Variants in EBLN1 observed in about 807,000 individuals in gnomAD.
EBLN1 encodes the protein endogenous Bornavirus-like nucleoprotein 1.
In EBLN1, 1 loss-of-function variant was observed where a neutral mutation model predicts 0.8. The observed-to-expected ratio is 1.32, with a 90% CI of 0.47 to 6.26. EBLN1 has a LOEUF of 6.26. Among genes scored for constraint, EBLN1 ranks in the 30% most tolerant of loss-of-function variants. The pLI, the probability that EBLN1 is intolerant of heterozygous loss-of-function variation, is 0.15. For synonymous variants in EBLN1, 158 were observed against 158.5 expected, an observed-to-expected ratio of 1.00 and a Z score of 0.02; for missense variants, 396 against 447.9, an observed-to-expected ratio of 0.88 and a Z score of 1.05.
rs115097048 is a variant in EBLN1, at chr10:22,209,191, C to A, written c.793G>T (p.Glu265Ter). Residue 265 changes from glutamate to a stop codon, truncating the protein, a stop_gained, in exon 3 of 3, where the codon GAG becomes TAG. Transcript: ENST00000422359. LOFTEE classifies it low-confidence loss of function (END_TRUNC). ...TTTTTAGCCAGTGGTTTCTTCTGCT[C>A]AAAAACTGGAATCTCCAACACAACA... is the stretch of plus-strand genomic sequence containing the variant. The part of the protein sequence containing the change: ...PAVVLEIPVF[E>*]QKKPLAKKVL... 1.8e-3 allele frequency: 2,830 copies of A among 1,536,950 alleles called. 36 individuals are homozygous for A. The African/African-American group carries it at 0.035, about 19-fold the overall frequency.
chr10:22,213,968 G>A (rs967792641), intron 1 of EBLN1, among the ~76,000 whole-genome samples: 5 of 152,172 alleles, frequency 3.3e-5, no homozygotes, highest in Admixed American at 1.3e-4. Context: ...TTTAAACAAT[G>A]TGGTCCTGGT....
chr10:22,214,852 G>A (rs1267363609), intron 1 of EBLN1, among the ~76,000 whole-genome samples: 2 of 152,054 alleles, frequency 1.3e-5, no homozygotes, highest in Non-Finnish European at 2.9e-5. Flanking sequence ...GTTCATAGAA[G>A]CATTATTTAT....
intron 1 of EBLN1, among the ~76,000 whole-genome samples, 34 bp from the exon 2 acceptor site, chr10:22,212,999 A>C (rs1588585533): frequency 6.6e-6 from 1 of 151,808 alleles, no homozygotes; most frequent in Admixed American, 6.6e-5. Flanking sequence ...TGTATTAAAA[A>C]CCCAGTCTAT....
In EBLN1 at chr10:22,212,838, G is replaced by A. The variant is rs1273195266; in HGVS notation, c.-45+4C>T. ...TTAAATTAGCTGGGCATGGTGGCAC[G>A]TACCTGCAGTCCTAGCTACTTTGGA... On this transcript the variant is annotated splice_donor_region_variant and intron_variant, in intron 2 of 2. Transcript: ENST00000422359. Among the ~76,000 whole-genome samples, 3 of 149,988 alleles carry A rather than the reference G, an allele frequency of 2.0e-5. No homozygotes were observed. Among genetic ancestry groups the A allele is most frequent in the African/African-American group, 4.9e-5 (2 of 40,642 alleles).
chr10:22,217,920 C>T lies in EBLN1; in HGVS notation c.-173G>A. Among the ~76,000 whole-genome samples, 1 of 152,168 alleles carries T rather than the reference C, an allele frequency of 6.6e-6. No homozygotes were observed. The highest frequency in any genetic ancestry group is 1.5e-5 in the Non-Finnish European group (1 of 68,040). Reference sequence around the variant, plus strand: ...AAGGAGGTTTAATTGACTCACAGTTCTGCATGGCTGGGAAGGCCTCAGGAA... The same window carrying T: ...AAGGAGGTTTAATTGACTCACAGTTTTGCATGGCTGGGAAGGCCTCAGGAA... On this transcript the variant is annotated 5_prime_UTR_variant, in exon 1 of 3. Transcript: ENST00000422359.
rs11379497 is a variant in EBLN1, at chr10:22,212,798, G to GTTT, written c.-45+43_-45+44insAAA. Among the ~76,000 whole-genome samples, 7 of 128,670 alleles carry GTTT rather than the reference G, an allele frequency of 5.4e-5. No individual in the cohort carries two copies. The South Asian group carries it at 1.3e-3, about 24-fold the overall frequency. The allele number at this position is 128,670 out of a possible 152,430, so 84.4% of individuals were successfully genotyped here. ...GACACCATCTCTTAAAAAAAAAAAA[G>GTTT]TTGTGTTTTTTTTTTTAAATTAGCT... On this transcript the variant is annotated intron_variant, in intron 2 of 2. Coordinates refer to ENST00000422359, the MANE Select transcript of EBLN1 (RefSeq NM_001394757.1).
At chr10:22,214,530 G>A (rs1281761993) in intron 1 of EBLN1, among the ~76,000 whole-genome samples, 1 of 151,852 alleles carries the variant, frequency 6.6e-6, no homozygotes, top group African/African-American at 2.4e-5. Flanking sequence ...TGACAGAACT[G>A]ACAATGTAGA....
rs2131942199 is a variant in EBLN1 at position 22,208,591 on chromosome 10, T to C, written c.*292A>G. 6.6e-6 allele frequency among the ~76,000 whole-genome samples: 1 copy of C among 152,224 alleles called. No individual in the cohort carries two copies. The highest frequency in any genetic ancestry group is 1.9e-4 in the East Asian group (1 of 5,184). The stretch of plus-strand genomic sequence containing the variant: ...TGGGCCTTATCTATGAAGAATAAAA[T>C]AAAAACTCCCCACGTGACTACAGAA... On this transcript the variant is annotated 3_prime_UTR_variant, in exon 3 of 3. Coordinates refer to ENST00000422359, the MANE Select transcript of EBLN1 (RefSeq NM_001394757.1).
At chr10:22,213,775 A>G (rs1834771620) in intron 1 of EBLN1, among the ~76,000 whole-genome samples, 2 of 152,240 alleles carry the variant, frequency 1.3e-5, no homozygotes, top group African/African-American at 2.4e-5. Context: ...TGCAAGCACA[A>G]TGAATATTCC....
intron 2 of EBLN1, among the ~76,000 whole-genome samples, chr10:22,210,278 G>A (rs1373275521): frequency 6.6e-6 from 1 of 152,072 alleles, no homozygotes; most frequent in African/African-American, 2.4e-5. Flanking sequence ...CCTATAGAGA[G>A]AAGAGTCAAC....
At position 22,209,269 on chromosome 10, in the gene EBLN1, T is replaced by G; in HGVS notation, c.715A>C (p.Thr239Pro). The G allele has an allele frequency of 6.3e-7, 1 of 1,583,288 alleles. No homozygotes were observed. Among genetic ancestry groups the G allele is most frequent in the Non-Finnish European group, 8.5e-7 (1 of 1,172,060 alleles). Residue 239 changes from threonine (T) to proline (P), a missense_variant, in exon 3 of 3, where the codon ACT becomes CCT. By Grantham distance (38) the Thr-to-Pro change is conservative (BLOSUM62 -1). Coordinates refer to ENST00000422359, the MANE Select transcript of EBLN1 (RefSeq NM_001394757.1). ...CACTGATCCAGGAACATTCTCACAG[T>G]GTAGTAGGTCATCATCTGTGCTTTG... ...ASKAQMMTYYTVRMFLDQCVD... is the reference protein window; with the variant it reads ...ASKAQMMTYYPVRMFLDQCVD...
chr10:22,209,123 G>A lies in EBLN1; in HGVS notation c.861C>T (p.His287=). 1.3e-6 allele frequency: 2 copies of A among 1,536,172 alleles called. No homozygotes were observed. Among genetic ancestry groups the A allele is most frequent in the South Asian group, 1.2e-5 (1 of 84,054 alleles). Residue 287 remains histidine (H), a synonymous_variant, in exon 3 of 3, where the codon CAC becomes CAT. Transcript: ENST00000422359. Reference sequence around the variant, plus strand: ...GTGGTGATAGCACCCCAATAACAGGGTGGCGAAGTACACCCCCAAATTCAA... The same window carrying A: ...GTGGTGATAGCACCCCAATAACAGGATGGCGAAGTACACCCCCAAATTCAA... ...DFFEFGGVLR[H]PVIGVLSPQM... is the part of the protein sequence containing the mutation.
chr10:22,211,042 C>T (rs1389557983), intron 2 of EBLN1, among the ~76,000 whole-genome samples: 3 of 152,206 alleles, frequency 2.0e-5, no homozygotes, highest in Non-Finnish European at 4.4e-5. Flanking sequence ...GTGATAAAAG[C>T]TTAAAGCTGA....
intron 2 of EBLN1, among the ~76,000 whole-genome samples, chr10:22,211,099 T>G (rs1834749243): frequency 6.6e-6 from 1 of 152,178 alleles, no homozygotes; most frequent in African/African-American, 2.4e-5. Context: ...AGTTCTCCAA[T>G]GGAAGGGATA....
chr10:22,215,139 G>T (rs1457884932), intron 1 of EBLN1, among the ~76,000 whole-genome samples: 12 of 152,154 alleles, frequency 7.9e-5, no homozygotes, highest in Non-Finnish European at 1.8e-4. Flanking sequence ...CTGTAAAGGG[G>T]TTTGGGGGTA....
At chr10:22,213,323 A>G (rs140983469) in intron 1 of EBLN1, among the ~76,000 whole-genome samples, 29 of 152,312 alleles carry the variant, frequency 1.9e-4, no homozygotes, top group African/African-American at 6.5e-4. Context: ...TAGAAAACAG[A>G]TTTTTTCGAA....
chr10:22,212,015 A>C (rs16922097), intron 2 of EBLN1, among the ~76,000 whole-genome samples: 9,795 of 152,282 alleles, frequency 0.064, 738 homozygotes, highest in African/African-American at 0.18. Flanking sequence ...CTTTATTGTG[A>C]ATAGGTATCT....
rs79645687 is a variant in EBLN1 at position 22,211,164 on chromosome 10, G to A, written c.-44-1137C>T. Reference sequence around the variant, plus strand: ...TTTCTCGTCTCTTAATGCAATGAAAGGTTATTATGTTTTGTCATGTTCTTA... The same window carrying A: ...TTTCTCGTCTCTTAATGCAATGAAAAGTTATTATGTTTTGTCATGTTCTTA... On this transcript the variant is annotated intron_variant, in intron 2 of 2. Transcript: ENST00000422359. 7.9e-3 allele frequency among the ~76,000 whole-genome samples: 1,199 copies of A among 152,250 alleles called. 7 individuals are homozygous for A. The highest frequency in any genetic ancestry group is 0.027 in the African/African-American group (1,128 of 41,548).
Position 22,209,843 on chromosome 10 carries a change from T to C in EBLN1, c.141A>G (p.Gln47=), listed in dbSNP as rs371774416. The change falls in exon 3 of 3, where the codon CAA becomes CAG. Residue 47 remains glutamine, a synonymous_variant. Transcript: ENST00000422359. ...RQYPADALEP[Q]PGIGDVKVIE... ...TGACCTTAACATCTCCAATACCAGGTTGGGGCTCCAATGCATCTGCTGGAT... is the reference window on the plus strand; with the variant it reads ...TGACCTTAACATCTCCAATACCAGGCTGGGGCTCCAATGCATCTGCTGGAT... 2.4e-5 allele frequency: 36 copies of C among 1,530,122 alleles called. No individual in the cohort carries two copies. The highest frequency in any genetic ancestry group is 8.2e-5 in the African/African-American group (6 of 72,926). The allele number at this position is 1,530,122 out of a possible 1,614,324, so 94.8% of individuals were successfully genotyped here.
Sources: gnomAD v4.1 joint callset for allele counts (sites outside exome capture counted in the v4.1 genomes callset) on GRCh38, gnomAD v4.1.1 for gene constraint, MANE v1.5 for transcripts, NCBI Gene and HGNC (gene_info 2026-07-23, HGNC 2026-07-21) for gene names.